Variants in GNAI1 observed in about 807,000 individuals in gnomAD.
GNAI1 encodes G protein subunit alpha i1, also known as guanine nucleotide-binding protein G(i) subunit alpha-1.
In GNAI1, 11 loss-of-function variants were observed where a neutral mutation model predicts 38.9. The observed-to-expected ratio is 0.28, with a 90% CI of 0.18 to 0.47. The LOEUF is 0.47. Ranked by LOEUF, GNAI1 falls within the 20% of genes least tolerant of loss-of-function variation. The pLI is 0.99. For missense variants in GNAI1, 317 were observed against 436.9 expected, an observed-to-expected ratio of 0.73 and a Z score of 2.45; for synonymous variants, 166 against 145.1, an observed-to-expected ratio of 1.14 and a Z score of -1.04.
intron 1 of GNAI1, among the ~76,000 whole-genome samples, chr7:80,175,662 C>T (rs887450305): frequency 1.3e-5 from 2 of 151,516 alleles, no homozygotes; most frequent in African/African-American, 4.9e-5. Flanking sequence ...CTCTGTGTCA[C>T]ATTTTGGTAG....
intron 1 of GNAI1, among the ~76,000 whole-genome samples, chr7:80,152,079 C>T (rs1787736878): frequency 6.6e-6 from 1 of 152,076 alleles, no homozygotes; most frequent in African/African-American, 2.4e-5. Context: ...TTTTCTAGAA[C>T]TAAGGTGGCA....
At chr7:80,152,784 C>T (rs1247156932) in intron 1 of GNAI1, among the ~76,000 whole-genome samples, 3 of 151,748 alleles carry the variant, frequency 2.0e-5, no homozygotes, top group African/African-American at 7.3e-5. Flanking sequence ...AGGATGGTCT[C>T]GATCTCCTGA....
At chr7:80,163,924 C>G (rs1015623138) in intron 1 of GNAI1, among the ~76,000 whole-genome samples, 5 of 147,080 alleles carry the variant, frequency 3.4e-5, no homozygotes, top group Admixed American at 6.8e-5. Context: ...CAGAACTGAC[C>G]TTTTTTAGTG....
intron 1 of GNAI1, among the ~76,000 whole-genome samples, chr7:80,174,455 GTTTT>G (rs546784682): frequency 1.6e-5 from 2 of 127,814 alleles, no homozygotes; most frequent in Non-Finnish European, 3.4e-5. Flanking sequence ...ATCTTCTGCT[GTTTT>G]TTTTTTTTTA....
At chr7:80,153,408 G>A (rs1787762159) in intron 1 of GNAI1, among the ~76,000 whole-genome samples, 1 of 152,040 alleles carries the variant, frequency 6.6e-6, no homozygotes, top group Admixed American at 6.5e-5. Flanking sequence ...GCACTGATTT[G>A]TCTAATTATC....
rs757316728 is a variant in GNAI1, at chr7:80,163,715, A to T, written c.119-25236A>T. On this transcript the variant is annotated intron_variant, in intron 1 of 7. Transcript: ENST00000649796. ...TCTGTTGCATATAATCCACATGTTG[A>T]TACTAATTCATTAATCAGTATTCTT... Among the ~76,000 whole-genome samples, 165 of 152,296 alleles carry T rather than the reference A, an allele frequency of 1.1e-3. 1 individual carries two copies. Among genetic ancestry groups the T allele is most frequent in the Non-Finnish European group, 2.0e-3 (139 of 68,038 alleles).
chr7:80,154,951 T>C (rs117771924), intron 1 of GNAI1, among the ~76,000 whole-genome samples: 1,579 of 152,284 alleles, frequency 0.01, 9 homozygotes, highest in Non-Finnish European at 0.016. Context: ...CTATAAAATA[T>C]AGTTTGATCT....
intron 5 of GNAI1, among the ~76,000 whole-genome samples, chr7:80,207,524 G>A (rs1337484678): frequency 6.6e-6 from 1 of 152,058 alleles, no homozygotes; most frequent in East Asian, 1.9e-4. Flanking sequence ...ACGTTTGTCA[G>A]GAACCTCAGA....
Position 80,142,776 on chromosome 7 carries a change from C to A in GNAI1, c.118+7498C>A, listed in dbSNP as rs112190217. Among the ~76,000 whole-genome samples, 376 of 152,224 alleles carry A rather than the reference C, an allele frequency of 2.5e-3. 1 individual carries two copies. The highest frequency in any genetic ancestry group is 0.014 in the Middle Eastern group (4 of 294). On this transcript the variant is annotated intron_variant, in intron 1 of 7. Transcript: ENST00000649796. ...GTAATGAAAACCTACTACATTATTC[C>A]TAACACATTTCTAAAAAGTAAACTA...
chr7:80,167,184 A>G (rs1405412617), intron 1 of GNAI1, among the ~76,000 whole-genome samples: 4 of 152,222 alleles, frequency 2.6e-5, no homozygotes, highest in Non-Finnish European at 5.9e-5. Context: ...CTTTTTCTAC[A>G]TCTCTGACTA....
At chr7:80,143,683 A>G (rs1331928480) in intron 1 of GNAI1, among the ~76,000 whole-genome samples, 1 of 152,156 alleles carries the variant, frequency 6.6e-6, no homozygotes, top group Non-Finnish European at 1.5e-5. Context: ...TTTTTCTTCT[A>G]TAAATGCTGG....
intron 1 of GNAI1, among the ~76,000 whole-genome samples, chr7:80,181,220 A>G (rs537347001): frequency 1.9e-4 from 29 of 152,286 alleles, no homozygotes; most frequent in African/African-American, 6.0e-4. Flanking sequence ...GCCACTTGGA[A>G]ACACATGACA....
At chr7:80,188,814 C>T in intron 1 of GNAI1, 137 bp from the exon 2 acceptor site, 2 of 626,978 alleles carry the variant, frequency 3.2e-6, no homozygotes, top group Non-Finnish European at 5.7e-6. Context: ...TAGTATAAAA[C>T]AAAATTCAGC....
chr7:80,147,410 T>C (rs1481909038), intron 1 of GNAI1, among the ~76,000 whole-genome samples: 3 of 150,900 alleles, frequency 2.0e-5, no homozygotes, highest in African/African-American at 7.3e-5. Flanking sequence ...CTCTCTTGCT[T>C]GTACCAAGAA....
At chr7:80,186,428 A>T (rs1209172775) in intron 1 of GNAI1, among the ~76,000 whole-genome samples, 1 of 152,178 alleles carries the variant, frequency 6.6e-6, no homozygotes, top group Non-Finnish European at 1.5e-5. Context: ...CCATGTTCCC[A>T]TTTATTTGAA....
intron 4 of GNAI1, among the ~76,000 whole-genome samples, chr7:80,201,394 C>T (rs1390978658): frequency 6.6e-6 from 1 of 152,132 alleles, no homozygotes; most frequent in Non-Finnish European, 1.5e-5. Flanking sequence ...AAGACCCTCT[C>T]TCCTGTGCAC....
At chr7:80,166,674 A>G (rs1788014627) in intron 1 of GNAI1, among the ~76,000 whole-genome samples, 1 of 152,212 alleles carries the variant, frequency 6.6e-6, no homozygotes, top group Non-Finnish European at 1.5e-5. Context: ...CCTTAAAATG[A>G]CATGGGTGCT....
At chr7:80,157,734 CT>C (rs1787842624) in intron 1 of GNAI1, among the ~76,000 whole-genome samples, 1 of 151,986 alleles carries the variant, frequency 6.6e-6, no homozygotes, top group Admixed American at 6.6e-5. Context: ...GAGACAGAGT[CT>C]CACTCTGTCA....
At chr7:80,175,584 T>A (rs1788171058) in intron 1 of GNAI1, among the ~76,000 whole-genome samples, 1 of 151,658 alleles carries the variant, frequency 6.6e-6, no homozygotes, top group South Asian at 2.1e-4. Flanking sequence ...AAATTGAAGG[T>A]TTGTGGCCAC....
Sources: allele counts gnomAD v4.1 joint callset (sites outside exome capture counted in the v4.1 genomes callset), GRCh38; gene constraint gnomAD v4.1.1; transcripts MANE v1.5; gene names NCBI Gene and HGNC (gene_info 2026-07-23, HGNC 2026-07-21).